FCRL1: variants seen among roughly 807,000 people sequenced by gnomAD.
FCRL1 encodes the protein Fc receptor like 1.
In FCRL1, 34 loss-of-function variants were observed where a neutral mutation model predicts 49.2. The observed-to-expected ratio is 0.69, with a 90% CI of 0.53 to 0.92. The LOEUF is 0.92. Among genes scored for constraint, FCRL1 ranks in the 40% least tolerant of loss-of-function variants. The pLI is 0.00. For missense variants in FCRL1, 524 were observed against 524.1 expected (o/e 1.00, Z 0.00); for synonymous variants, 218 against 201.6 (o/e 1.08, Z -0.69).
chr1:157,806,487 T>A (rs1313223930), intron 2 of FCRL1, among the ~76,000 whole-genome samples: 1 of 152,172 alleles, frequency 6.6e-6, no homozygotes, highest in Non-Finnish European at 1.5e-5. Flanking sequence ...TTGGTAAAGG[T>A]AAGACTTTGA....
intron 1 of FCRL1, among the ~76,000 whole-genome samples, chr1:157,812,028 A>G (rs1226864508): frequency 6.6e-6 from 1 of 152,162 alleles, no homozygotes; most frequent in African/African-American, 2.4e-5. Flanking sequence ...CCTCCTTGGC[A>G]TATGACCCAG....
At position 157,800,058 on chromosome 1, in the gene FCRL1, C is replaced by T. The variant is rs368515575; in HGVS notation, c.1031G>A (p.Arg344Lys). ...CACCTATAGTGAAAACAGGCCTCAC[C>T]TGAGTGGATCCCTGGCTGAACGTCT... ...IGRRSARDPL[R>K]SLPSPLPQEF... The change falls in exon 7 of 11, where the codon AGG (arginine) becomes AAG (lysine). Residue 344 changes from arginine (R) to lysine (K), a missense_variant and splice_region_variant. Transcript: ENST00000368176. 31 of 1,613,120 alleles carry T rather than the reference C, an allele frequency of 1.9e-5. No homozygotes were observed. Among genetic ancestry groups the T allele is most frequent in the Non-Finnish European group, 2.5e-5 (30 of 1,179,404 alleles).
chr1:157,815,950 A>G (rs1654965932), intron 1 of FCRL1, among the ~76,000 whole-genome samples: 1 of 151,928 alleles, frequency 6.6e-6, no homozygotes, highest in Admixed American at 6.5e-5. Flanking sequence ...AGGGAATTCA[A>G]TCAGTAATAA....
rs1226939849 is a variant in FCRL1, at chr1:157,803,928, T to C, written c.236A>G (p.Glu79Gly). ...PKLQIAAMWKEDTGSYWCEAQ... is the reference protein window; with the variant it reads ...PKLQIAAMWKGDTGSYWCEAQ... ...CTCGCACCAGTATGACCCTGTGTCT[T>C]CTTTCCACATGGCAGCGATCTGGAG... Residue 79 changes from glutamate (E) to glycine (G), a missense_variant, in exon 3 of 11, where the codon GAA becomes GGA. By Grantham distance (98) the Glu-to-Gly change is moderately conservative. Transcript: ENST00000368176. 5.6e-6 allele frequency: 9 copies of C among 1,614,196 alleles called. No homozygotes were observed. In the South Asian group the frequency reaches 9.9e-5, roughly 18 times the overall value.
chr1:157,801,809 C>T, intron 5 of FCRL1, 106 bp downstream of exon 5: 2 of 1,375,324 alleles, frequency 1.5e-6, no homozygotes, highest in Non-Finnish European at 2.0e-6. Flanking sequence ...CACAGAGGCC[C>T]CACCATGGGT....
At chr1:157,809,906 A>G (rs1237592466) in intron 1 of FCRL1, among the ~76,000 whole-genome samples, 2 of 152,222 alleles carry the variant, frequency 1.3e-5, no homozygotes, top group African/African-American at 2.4e-5. Context: ...CTGGGGCAAC[A>G]GAGTAAGACC....
intron 6 of FCRL1, 139 bp downstream of exon 6, chr1:157,801,322 C>A: frequency 1.5e-6 from 1 of 673,232 alleles, no homozygotes; most frequent in Non-Finnish European, 2.7e-6. Context: ...CTGTTCCTAC[C>A]CGCTGGCTTT....
rs766671984 is a variant in FCRL1, at chr1:157,796,094, T to C, written c.*5A>G. 2 of 1,613,102 alleles carry C rather than the reference T, an allele frequency of 1.2e-6. No homozygotes were observed. The highest frequency in any genetic ancestry group is 2.2e-5 in the South Asian group (2 of 91,062). On this transcript the variant is annotated 3_prime_UTR_variant, in exon 11 of 11. Coordinates refer to ENST00000368176, the MANE Select transcript of FCRL1 (RefSeq NM_052938.5). ...GGTTTTCAAAGAGCAGAATCTTCCA[T>C]AACCTTACATAGCATCTTCATAGTC...
chr1:157,815,489 T>C (rs1654899329), intron 1 of FCRL1, among the ~76,000 whole-genome samples: 2 of 151,848 alleles, frequency 1.3e-5, no homozygotes, highest in African/African-American at 2.4e-5. Context: ...AGTGAATGCC[T>C]ACATCAAAAA....
At chr1:157,797,041 T>G in intron 10 of FCRL1, 60 bp downstream of exon 10, 37 of 1,560,318 alleles carry the variant, frequency 2.4e-5, no homozygotes, top group Non-Finnish European at 2.8e-5. Context: ...TTAAGAAGTT[T>G]GAGAACCAGT....
At chr1:157,796,203 G>A (rs1315323597) in intron 10 of FCRL1, 33 bp from the exon 11 acceptor site, 2 of 1,583,274 alleles carry the variant, frequency 1.3e-6, no homozygotes, top group Non-Finnish European at 1.7e-6. Context: ...GAGCAGGGAA[G>A]ACAAGCAGAA....
chr1:157,815,640 A>G (rs1225426299), intron 1 of FCRL1, among the ~76,000 whole-genome samples: 2 of 151,902 alleles, frequency 1.3e-5, no homozygotes, highest in African/African-American at 4.8e-5. Flanking sequence ...GACTAGAAAA[A>G]CAATACAAAA....
Position 157,794,840 on chromosome 1 carries a change from A to G in FCRL1, c.*1259T>C, listed in dbSNP as rs1266111502. 1.3e-5 allele frequency: 2 copies of G among 152,216 alleles called. No individual in the cohort carries two copies. The highest frequency in any genetic ancestry group is 4.1e-4 in the South Asian group (2 of 4,828). The allele number at this position is 152,216 out of a possible 1,614,324, so 9.4% of individuals were successfully genotyped here. On this transcript the variant is annotated 3_prime_UTR_variant, in exon 11 of 11. Transcript: ENST00000368176. ...AAGAAAAAAGTTATGATTTATCTATATAACACACTACTATAGAGACTTTTA... is the reference window on the plus strand; with the variant it reads ...AAGAAAAAAGTTATGATTTATCTATGTAACACACTACTATAGAGACTTTTA...
At position 157,801,838 on chromosome 1, in the gene FCRL1, C is replaced by G; in HGVS notation, c.886+77G>C. On this transcript the variant is annotated intron_variant, in intron 5 of 10. Transcript: ENST00000368176. ...CATGGGTAGCAAACCCCCGGAAGCA[C>G]AGTGGCACCAGCAAAACTCTCCCAG... 5 of 1,524,936 alleles carry G rather than the reference C, an allele frequency of 3.3e-6. No individual in the cohort carries two copies. In the South Asian group the frequency reaches 5.1e-5, roughly 16 times the overall value. The allele number at this position is 1,524,936 out of a possible 1,614,324, so 94.5% of individuals were successfully genotyped here.
chr1:157,797,641 T>G, intron 9 of FCRL1: 1 of 1,131,988 alleles, frequency 8.8e-7, no homozygotes, highest in Non-Finnish European at 1.3e-6. Context: ...GACTATAATT[T>G]AAGAAATTTG....
chr1:157,807,161 A>G (rs751130714), intron 1 of FCRL1, 39 bp from the exon 2 acceptor site: 13 of 1,600,988 alleles, frequency 8.1e-6, no homozygotes, highest in African/African-American at 1.3e-5. Flanking sequence ...CAGAGCAGCA[A>G]ATCCCACAAA....
At chr1:157,813,556 T>G (rs1444995626) in intron 1 of FCRL1, among the ~76,000 whole-genome samples, 1 of 152,146 alleles carries the variant, frequency 6.6e-6, no homozygotes, top group Non-Finnish European at 1.5e-5. Context: ...TGAGGAAAAT[T>G]TTTTTTCGAA....
At chr1:157,807,419 A>G (rs1313342707) in intron 1 of FCRL1, among the ~76,000 whole-genome samples, 2 of 152,130 alleles carry the variant, frequency 1.3e-5, no homozygotes, top group Non-Finnish European at 2.9e-5. Flanking sequence ...CTTTTTTATG[A>G]TCACAAAGTA....
intron 1 of FCRL1, among the ~76,000 whole-genome samples, chr1:157,818,449 CGTT>C (rs1418357125): frequency 1.3e-5 from 2 of 151,816 alleles, no homozygotes; most frequent in Non-Finnish European, 2.9e-5. Flanking sequence ...AATCTGAAAA[CGTT>C]GATCTCATAG....
Sources: gnomAD v4.1 joint callset for allele counts (sites outside exome capture counted in the v4.1 genomes callset) on GRCh38, gnomAD v4.1.1 for gene constraint, MANE v1.5 for transcripts, NCBI Gene and HGNC (gene_info 2026-07-23, HGNC 2026-07-21) for gene names.